STAB1: variants seen among roughly 807,000 people sequenced by gnomAD.
STAB1 encodes stabilin-1.
In STAB1, 250 loss-of-function variants were observed where a neutral mutation model predicts 332.4. The observed-to-expected ratio is 0.75, with a 90% confidence interval of 0.68 to 0.84. The LOEUF (loss-of-function observed/expected upper bound fraction) is 0.84, where lower values mean the gene tolerates loss of function less well. STAB1 is among the 40% of genes least tolerant of loss of function. The pLI, the probability that STAB1 is intolerant of heterozygous loss-of-function variation, is 0.00. For synonymous variants in STAB1, 1,475 were observed against 1,390.4 expected (o/e 1.06, Z -1.35); for missense variants, 3,249 against 3,489.7 (o/e 0.93, Z 1.74).
chr3:52,514,955 G>A lies in STAB1; in HGVS notation c.3808-34G>A, dbSNP rs114508677. On this transcript the variant is annotated intron_variant, in intron 35 of 68. Coordinates refer to ENST00000321725, the MANE Select transcript of STAB1 (RefSeq NM_015136.3). ...GGAGGAAGGGCAGGGATCCAGGCCT[G>A]GACTGCCTGATGCCCCACCCTTTTT... 2,818 of 1,612,998 alleles carry A rather than the reference G, an allele frequency of 1.7e-3. 50 individuals carry two copies. In the African/African-American group the frequency reaches 0.032, roughly 18 times the overall value.
intron 35 of STAB1, 77 bp from the exon 36 acceptor site, chr3:52,514,912 G>T: frequency 3.1e-6 from 5 of 1,611,986 alleles, no homozygotes; most frequent in South Asian, 2.2e-5. Context: ...GGGGAGGGGC[G>T]CATGGTCAGT....
intron 10 of STAB1, 51 bp downstream of exon 10, chr3:52,504,206 G>T (rs747372828): frequency 1.4e-5 from 21 of 1,552,302 alleles, no homozygotes; most frequent in Admixed American, 3.6e-5. Context: ...CCCCAGCACA[G>T]TTGGCAGGGA....
chr3:52,506,453 G>T (rs1480132819), intron 17 of STAB1, among the ~76,000 whole-genome samples: 1 of 152,252 alleles, frequency 6.6e-6, no homozygotes, highest in Non-Finnish European at 1.5e-5. Context: ...CCAAAAAGGA[G>T]CATGGAGCAC....
Position 52,520,541 on chromosome 3 carries a change from C to T in STAB1, c.5641C>T (p.Leu1881=), listed in dbSNP as rs1328391210. The change falls in exon 53 of 69, where the codon CTG becomes TTG. Residue 1881 remains leucine, a synonymous_variant. Transcript: ENST00000321725. ...CTGTGACCACTTTGAGACCCGGCCCCTGCGACTGGTGAGGGAGGCCAGAGG... is the reference window on the plus strand; with the variant it reads ...CTGTGACCACTTTGAGACCCGGCCCTTGCGACTGGTGAGGGAGGCCAGAGG... ...ARCDHFETRP[L]RLNTCSICGL... The T allele has an allele frequency of 1.9e-6, 3 of 1,611,520 alleles. No homozygotes were observed. The highest frequency in any genetic ancestry group is 2.5e-6 in the Non-Finnish European group (3 of 1,178,956).
intron 37 of STAB1, 116 bp from the exon 38 acceptor site, chr3:52,515,927 T>TA (rs1298501085): frequency 8.6e-7 from 1 of 1,168,880 alleles, no homozygotes; most frequent in Non-Finnish European, 1.2e-6. Flanking sequence ...TCCCTGGGAC[T>TA]GGGGTTCTGA....
chr3:52,520,499 C>A lies in STAB1; in HGVS notation c.5599C>A (p.Pro1867Thr). Residue 1867 changes from proline (P) to threonine (T), a missense_variant, in exon 53 of 69, where the codon CCT (proline) becomes ACT (threonine). By Grantham distance (38) the Pro-to-Thr change is conservative. Coordinates refer to ENST00000321725, the MANE Select transcript of STAB1 (RefSeq NM_015136.3). ...TGGCATCGACCAGCTGCTGGAGCCACCTGGCCTTGGTGCTCGCTGTGACCA... is the reference window on the plus strand; with the variant it reads ...TGGCATCGACCAGCTGCTGGAGCCAACTGGCCTTGGTGCTCGCTGTGACCA... ...AYGIDQLLEP[P>T]GLGARCDHFE... is the part of the protein sequence containing the mutation. The A allele has an allele frequency of 1.9e-6, 3 of 1,612,642 alleles. No homozygotes were observed. Among genetic ancestry groups the A allele is most frequent in the Non-Finnish European group, 2.5e-6 (3 of 1,179,902 alleles).
rs1348192818 is a variant in STAB1 at position 52,504,061 on chromosome 3, G to A, written c.1056G>A (p.Gly352=). 2 of 1,589,454 alleles carry A rather than the reference G, an allele frequency of 1.3e-6. No individual in the cohort carries two copies. Among genetic ancestry groups the A allele is most frequent in the Non-Finnish European group, 1.7e-6 (2 of 1,167,990 alleles). ...CVCRESEVGD[G]RACYGHLLHE... The stretch of plus-strand genomic sequence containing the variant: ...GCAGGGAAAGCGAGGTGGGGGATGG[G>A]CGTGCCTGCTACGGACACCTGCTCC... The change falls in exon 10 of 69, where the codon GGG becomes GGA. Residue 352 remains glycine (G), a synonymous_variant. Coordinates refer to ENST00000321725, the MANE Select transcript of STAB1 (RefSeq NM_015136.3).
At chr3:52,502,748 AG>A (rs1708545932) in intron 6 of STAB1, 21 bp downstream of exon 6, 1 of 1,602,996 alleles carries the variant, frequency 6.2e-7, no homozygotes, top group Non-Finnish European at 8.5e-7. Flanking sequence ...CCACTGGGAT[AG>A]CCTAGGGCAG....
intron 1 of STAB1, among the ~76,000 whole-genome samples, chr3:52,499,995 C>G (rs1360541608): frequency 6.6e-6 from 1 of 151,854 alleles, no homozygotes; most frequent in East Asian, 1.9e-4. Flanking sequence ...ATCGCCTGAG[C>G]CCAGGAGTTC....
chr3:52,495,543 G>A, intron 1 of STAB1, 52 bp downstream of exon 1: 3 of 1,272,102 alleles, frequency 2.4e-6, no homozygotes, highest in East Asian at 3.0e-5. Flanking sequence ...CTGCCGGCCA[G>A]CGGTGGGAAC....
chr3:52,512,693 G>A (rs1433836680), intron 28 of STAB1, 50 bp downstream of exon 28: 2 of 1,611,722 alleles, frequency 1.2e-6, no homozygotes, highest in African/African-American at 1.3e-5. Context: ...CAGGAGGCCT[G>A]CCTGGATGGA....
At chr3:52,507,296 C>T (rs1708949610) in intron 18 of STAB1, among the ~76,000 whole-genome samples, 3 of 152,216 alleles carry the variant, frequency 2.0e-5, no homozygotes, top group African/African-American at 7.2e-5. Context: ...CCGCCCACCT[C>T]GGCCTCCCAA....
chr3:52,523,545 C>A lies in STAB1; in HGVS notation c.7259C>A (p.Ala2420Glu), dbSNP rs1286748788. 1 of 1,612,890 alleles carries A rather than the reference C, an allele frequency of 6.2e-7. No individual in the cohort carries two copies. The highest frequency in any genetic ancestry group is 8.5e-7 in the Non-Finnish European group (1 of 1,180,006). Residue 2420 changes from alanine to glutamate, a missense_variant, in exon 65 of 69, where the codon GCA becomes GAA. By Grantham distance (107) the Ala-to-Glu change is moderately radical (BLOSUM62 -1). Transcript: ENST00000321725. ...GGCCTCAGCCTCATCATCAGTGACG[C>A]AGGCCCTGACAACAGTTCCTGGGCC... ...HSGLSLIISD[A>E]GPDNSSWAPV...
chr3:52,515,535 T>A (rs1228050983), intron 37 of STAB1, 29 bp downstream of exon 37: 2 of 1,611,040 alleles, frequency 1.2e-6, no homozygotes, highest in Non-Finnish European at 1.7e-6. Context: ...ACCCCAAGCC[T>A]GTCCAGAGAG....
chr3:52,514,858 GCA>G, intron 35 of STAB1, 29 bp downstream of exon 35: 1 of 1,612,806 alleles, frequency 6.2e-7, no homozygotes, highest in South Asian at 1.1e-5. Context: ...AGGAAGGCCG[GCA>G]CGGGAGTTCA....
chr3:52,507,995 G>T lies in STAB1; in HGVS notation c.2117G>T (p.Gly706Val). The change falls in exon 20 of 69, where the codon GGC becomes GTC. Residue 706 changes from glycine (G) to valine (V), a missense_variant. Coordinates refer to ENST00000321725, the MANE Select transcript of STAB1 (RefSeq NM_015136.3). ...DPTGLNVLKK[G>V]CASYCNQTIM... ...ACGGGGCTCAATGTGCTAAAGAAGG[G>T]CTGTGCCAGCTACTGCAACCAAACC... is the stretch of plus-strand genomic sequence containing the variant. 6.2e-7 allele frequency: 1 copy of T among 1,613,636 alleles called. No homozygotes were observed. Among genetic ancestry groups the T allele is most frequent in the Non-Finnish European group, 8.5e-7 (1 of 1,179,992 alleles).
In STAB1 at chr3:52,523,822, G is replaced by A. The variant is rs368187632; in HGVS notation, c.7396-49G>A. 9.5e-6 allele frequency: 15 copies of A among 1,583,650 alleles called. No homozygotes were observed. In the African/African-American group the frequency reaches 2.0e-4, roughly 21 times the overall value. ...CCCACAACCTGTGAGCCCGGGGAAG[G>A]TGGTGGGACAGCTCCCGCCAGGTCA... On this transcript the variant is annotated intron_variant, in intron 66 of 68. Transcript: ENST00000321725.
chr3:52,514,582 C>A, intron 34 of STAB1, 86 bp downstream of exon 34: 3 of 1,554,206 alleles, frequency 1.9e-6, no homozygotes, highest in South Asian at 2.4e-5. Context: ...TAGCTGTGAG[C>A]CTCCAACCTC....
intron 18 of STAB1, 64 bp downstream of exon 18, chr3:52,506,914 C>G: frequency 6.3e-7 from 1 of 1,581,260 alleles, no homozygotes; most frequent in Middle Eastern, 1.7e-4. Flanking sequence ...GAGCGGCAAT[C>G]CTCTTCCCAG....
Sources: allele counts gnomAD v4.1 joint callset (sites outside exome capture counted in the v4.1 genomes callset), GRCh38; gene constraint gnomAD v4.1.1; transcripts MANE v1.5; gene names NCBI Gene and HGNC (gene_info 2026-07-23, HGNC 2026-07-21).